Variants in KATNAL2 observed in about 807,000 individuals in gnomAD.
KATNAL2 encodes the protein katanin catalytic subunit A1 like 2.
In KATNAL2, 52 loss-of-function variants were observed where a neutral mutation model predicts 76.3. The observed-to-expected ratio is 0.68, with a 90% CI of 0.55 to 0.86. The LOEUF is 0.86. KATNAL2 is among the 40% of genes least tolerant of loss of function. The pLI, the probability that KATNAL2 is intolerant of heterozygous loss-of-function variation, is 0.00. For missense variants in KATNAL2, 660 were observed against 668.9 expected, an observed-to-expected ratio of 0.99 and a Z score of 0.15; for synonymous variants, 243 against 244.2, an observed-to-expected ratio of 1.00 and a Z score of 0.05.
At chr18:46,957,037 CAAAAAA>C (rs71264809) in intron 3 of KATNAL2, among the ~76,000 whole-genome samples, 5 of 104,896 alleles carry the variant, frequency 4.8e-5, no homozygotes, top group South Asian at 6.5e-4. Flanking sequence ...AACTCCGTCT[CAAAAAA>C]AAAAAAAAAA....
At chr18:47,067,513 C>A (rs1219310444) in intron 11 of KATNAL2, among the ~76,000 whole-genome samples, 1 of 152,168 alleles carries the variant, frequency 6.6e-6, no homozygotes, top group East Asian at 1.9e-4. Context: ...CCCTGACCTA[C>A]CCTCCCCAGG....
chr18:46,943,706 T>C (rs1474926677), intron 1 of KATNAL2, among the ~76,000 whole-genome samples: 1 of 152,264 alleles, frequency 6.6e-6, no homozygotes, highest in Admixed American at 6.5e-5. Context: ...ATAAACTTGC[T>C]TTCACTTTAT....
chr18:47,033,093 C>G (rs2060558266), intron 3 of KATNAL2: 1 of 1,613,914 alleles, frequency 6.2e-7, no homozygotes, highest in Admixed American at 1.7e-5. Context: ...GGGTTTTGGC[C>G]GCGGGCGCCG....
intron 1 of KATNAL2, among the ~76,000 whole-genome samples, chr18:46,924,800 G>A (rs906582398): frequency 6.6e-6 from 1 of 152,170 alleles, no homozygotes; most frequent in Non-Finnish European, 1.5e-5. Flanking sequence ...CACATCCCTT[G>A]TAAGTTGGAT....
intron 1 of KATNAL2, among the ~76,000 whole-genome samples, chr18:46,932,502 CTG>C (rs1479872478): frequency 2.0e-5 from 3 of 151,314 alleles, no homozygotes; most frequent in South Asian, 2.1e-4. Context: ...TGGTGAAACA[CTG>C]TGTGTAATAA....
intron 15 of KATNAL2, among the ~76,000 whole-genome samples, chr18:47,093,471 C>A (rs2063093458): frequency 6.9e-6 from 1 of 145,722 alleles, no homozygotes; most frequent in South Asian, 2.2e-4. Flanking sequence ...TTTAAAAAAC[C>A]ATTTCTTTCT....
chr18:47,069,321 G>A lies in KATNAL2; in HGVS notation c.889+38G>A, dbSNP rs1405537584. On this transcript the variant is annotated intron_variant, in intron 12 of 17. Transcript: ENST00000683218. ...TCCTATTTTGATGTCAGTGTTAAGT[G>A]TGTGTGCAGAGGATGAGTTGCCCCT... The A allele has an allele frequency of 7.7e-6, 12 of 1,554,286 alleles. No individual in the cohort carries two copies. The African/African-American group carries it at 1.5e-4, about 19-fold the overall frequency.
Position 47,045,733 on chromosome 18 carries a change from A to G in KATNAL2, c.52-724A>G, listed in dbSNP as rs192841734. On this transcript the variant is annotated intron_variant, in intron 3 of 17. Coordinates refer to ENST00000683218, the MANE Select transcript of KATNAL2 (RefSeq NM_001387690.1). ...TGGCTTTTGTCTAGTTCTTACCTGTATTCTACTTAGATAAAGATAGATAAG... is the reference window on the plus strand; with the variant it reads ...TGGCTTTTGTCTAGTTCTTACCTGTGTTCTACTTAGATAAAGATAGATAAG... Among the ~76,000 whole-genome samples the G allele has an allele frequency of 2.5e-3, 377 of 152,376 alleles. 6 individuals are homozygous for G. Among genetic ancestry groups the G allele is most frequent in the African/African-American group, 8.8e-3 (365 of 41,594 alleles).
At chr18:47,062,780 C>A (rs1166520677) in intron 8 of KATNAL2, among the ~76,000 whole-genome samples, 192 bp from the exon 9 acceptor site, 1 of 152,164 alleles carries the variant, frequency 6.6e-6, no homozygotes, top group Non-Finnish European at 1.5e-5. Flanking sequence ...AATGTACTTA[C>A]AATTTTTTAA....
chr18:47,033,035 G>C (rs767897500), intron 3 of KATNAL2: 2 of 1,614,000 alleles, frequency 1.2e-6, no homozygotes, highest in African/African-American at 2.7e-5. Context: ...TTGTAGTCTC[G>C]AATTGCCTTG....
intron 15 of KATNAL2, chr18:47,084,440 CAG>C (rs1568013376): frequency 2.8e-6 from 2 of 702,202 alleles, no homozygotes; most frequent in Admixed American, 4.0e-5. Flanking sequence ...CAGTCTGCCA[CAG>C]GTCAGCAAGC....
At chr18:47,034,711 T>A in intron 3 of KATNAL2, 1 of 1,612,948 alleles carries the variant, frequency 6.2e-7, no homozygotes, top group Non-Finnish European at 8.5e-7. Context: ...CGCAGCGGGC[T>A]CAGGGCCCTC....
intron 3 of KATNAL2, among the ~76,000 whole-genome samples, chr18:46,949,590 C>T (rs2059489043): frequency 6.6e-6 from 1 of 152,188 alleles, no homozygotes. Flanking sequence ...CTGTACCTTT[C>T]CCAGTCTTTC....
chr18:47,064,457 C>T (rs779400482), intron 10 of KATNAL2, among the ~76,000 whole-genome samples: 2 of 152,048 alleles, frequency 1.3e-5, no homozygotes, highest in East Asian at 1.9e-4. Flanking sequence ...GAGCAGTACC[C>T]AGGGCTGAGA....
intron 3 of KATNAL2, chr18:47,033,934 G>T (rs1238485705): frequency 1.2e-6 from 2 of 1,612,744 alleles, no homozygotes; most frequent in Non-Finnish European, 1.7e-6. Context: ...ATCAGCGCCG[G>T]CCGCCTGCAG....
chr18:47,034,706 C>A lies in KATNAL2; in HGVS notation c.52-11751C>A, dbSNP rs149522210. ...CTTCCGGGTTGCTTCCCGGGCGCAGCGGGCTCAGGGCCCTCGGGCATCCGG... is the reference window on the plus strand; with the variant it reads ...CTTCCGGGTTGCTTCCCGGGCGCAGAGGGCTCAGGGCCCTCGGGCATCCGG... On this transcript the variant is annotated intron_variant, in intron 3 of 17. Transcript: ENST00000683218. 3 of 1,612,958 alleles carry A rather than the reference C, an allele frequency of 1.9e-6. No homozygotes were observed. The highest frequency in any genetic ancestry group is 1.7e-5 in the Admixed American group (1 of 59,994).
At chr18:47,067,879 G>T (rs1203560322) in intron 11 of KATNAL2, among the ~76,000 whole-genome samples, 2 of 152,130 alleles carry the variant, frequency 1.3e-5, no homozygotes, top group Non-Finnish European at 2.9e-5. Flanking sequence ...TCAATCACAG[G>T]TCTGAGCCAT....
intron 1 of KATNAL2, among the ~76,000 whole-genome samples, chr18:46,918,221 T>TA (rs780695745): frequency 2.0e-5 from 3 of 152,084 alleles, no homozygotes; most frequent in Non-Finnish European, 4.4e-5. Flanking sequence ...AATGTGCTGA[T>TA]ATAGGATGAA....
chr18:47,039,234 C>T (rs117010005), intron 3 of KATNAL2, among the ~76,000 whole-genome samples: 5,726 of 152,172 alleles, frequency 0.038, 138 homozygotes, highest in Non-Finnish European at 0.057. Flanking sequence ...TTTAAAATAT[C>T]TTTATTCATA....
Sources: allele counts gnomAD v4.1 joint callset (sites outside exome capture counted in the v4.1 genomes callset), GRCh38; gene constraint gnomAD v4.1.1; transcripts MANE v1.5; gene names NCBI Gene and HGNC (gene_info 2026-07-23, HGNC 2026-07-21).